The following C10orf90 variants were observed in gnomAD, a reference collection of about 807,000 sequenced individuals.
C10orf90 encodes chromosome 10 open reading frame 90, also known as (E2-independent) E3 ubiquitin-conjugating enzyme FATS.
C10orf90 carries 56 observed loss-of-function variants against 62.5 expected under a neutral mutation model. The observed-to-expected ratio is 0.90, with a 90% CI of 0.72 to 1.12. The LOEUF (loss-of-function observed/expected upper bound fraction) is 1.12. C10orf90 is among the 50% of genes most tolerant of loss of function. The probability of loss-of-function intolerance (pLI) is 0.00; values close to 1 mark genes in which losing one functional copy is unlikely to be tolerated. For synonymous variants in C10orf90, 386 were observed against 340.4 expected, an observed-to-expected ratio of 1.13 and a Z score of -1.47; for missense variants, 970 against 880.4, an observed-to-expected ratio of 1.10 and a Z score of -1.29.
chr10:126,664,081 G>C (rs1204999468), intron 1 of C10orf90, among the ~76,000 whole-genome samples: 1 of 152,172 alleles, frequency 6.6e-6, no homozygotes, highest in Non-Finnish European at 1.5e-5. Flanking sequence ...CTGGCCCCAG[G>C]AGTAGGCGTG....
chr10:126,508,316 T>A (rs1329771038), intron 3 of C10orf90, among the ~76,000 whole-genome samples: 2 of 144,372 alleles, frequency 1.4e-5, no homozygotes, highest in Non-Finnish European at 3.0e-5. Context: ...TTTCACCAGC[T>A]CCCAGGTGAT....
intron 4 of C10orf90, among the ~76,000 whole-genome samples, chr10:126,500,143 C>A (rs1162159582): frequency 6.6e-6 from 1 of 152,172 alleles, no homozygotes; most frequent in African/African-American, 2.4e-5. Flanking sequence ...AGTTCACTCT[C>A]CTAATAGTCT....
chr10:126,471,157 A>G (rs1165109992), intron 4 of C10orf90, among the ~76,000 whole-genome samples: 1 of 152,226 alleles, frequency 6.6e-6, no homozygotes, highest in Admixed American at 6.5e-5. Flanking sequence ...GATGATCCAC[A>G]GCAAAAGCAG....
chr10:126,646,870 G>A (rs544810087), intron 1 of C10orf90, among the ~76,000 whole-genome samples: 75 of 152,240 alleles, frequency 4.9e-4, no homozygotes, highest in African/African-American at 1.8e-3. Flanking sequence ...AAAGAGGGAG[G>A]GAGGAAAGGA....
chr10:126,539,515 T>C (rs2133965229), intron 2 of C10orf90, among the ~76,000 whole-genome samples: 1 of 152,328 alleles, frequency 6.6e-6, no homozygotes, highest in East Asian at 1.9e-4. Flanking sequence ...AATAAATGCA[T>C]TTTAGTGATT....
chr10:126,607,431 G>A (rs1564890286), intron 2 of C10orf90, among the ~76,000 whole-genome samples: 1 of 152,166 alleles, frequency 6.6e-6, no homozygotes, highest in African/African-American at 2.4e-5. Flanking sequence ...GGTTTCTCAG[G>A]CATGAGTATT....
At chr10:126,568,019 C>T (rs1383631319) in intron 2 of C10orf90, among the ~76,000 whole-genome samples, 1 of 152,040 alleles carries the variant, frequency 6.6e-6, no homozygotes. Flanking sequence ...GGAATAGAAG[C>T]AAAGTGGAAG....
intron 3 of C10orf90, among the ~76,000 whole-genome samples, chr10:126,511,275 G>A (rs1186145034): frequency 6.6e-6 from 1 of 152,142 alleles, no homozygotes; most frequent in African/African-American, 2.4e-5. Flanking sequence ...GCCTTTCCGT[G>A]CAGTTACTGA....
intron 2 of C10orf90, among the ~76,000 whole-genome samples, chr10:126,542,432 G>A (rs1864396842): frequency 6.6e-6 from 1 of 152,134 alleles, no homozygotes; most frequent in Admixed American, 6.5e-5. Flanking sequence ...GAACTCGGGA[G>A]GTGGAAGTTG....
At chr10:126,429,452 G>T (rs80343891) in intron 8 of C10orf90, among the ~76,000 whole-genome samples, 305 of 152,214 alleles carry the variant, frequency 2.0e-3, no homozygotes, top group African/African-American at 7.2e-3. Context: ...ACCTTCAAAG[G>T]TGCAGTGACA....
intron 4 of C10orf90, 32 bp downstream of exon 4, chr10:126,503,925 G>A: frequency 6.3e-7 from 1 of 1,577,856 alleles, no homozygotes; most frequent in Non-Finnish European, 8.6e-7. Context: ...ATTTACTCAG[G>A]TCACCCTCCT....
At chr10:126,470,918 A>G (rs1193186596) in intron 4 of C10orf90, among the ~76,000 whole-genome samples, 1 of 152,126 alleles carries the variant, frequency 6.6e-6, no homozygotes, top group African/African-American at 2.4e-5. Context: ...TTAAAACTCT[A>G]TTTCCTCACG....
chr10:126,556,466 A>G (rs1243832619), intron 2 of C10orf90, among the ~76,000 whole-genome samples: 1 of 152,188 alleles, frequency 6.6e-6, no homozygotes, highest in Non-Finnish European at 1.5e-5. Context: ...TATTACCAAC[A>G]GAAATTTTCC....
rs1367079070 is a variant in C10orf90 at position 126,461,570 on chromosome 10, C to T, written c.1841G>A (p.Cys614Tyr). The T allele has an allele frequency of 6.2e-7, 1 of 1,613,858 alleles. No homozygotes were observed. Among genetic ancestry groups the T allele is most frequent in the Admixed American group, 1.7e-5 (1 of 59,958 alleles). ...SKFPKGDYTC[C>Y]DLVVKIKECK... The stretch of plus-strand genomic sequence containing the variant: ...TTCCTTTATTTTTACAACCAAGTCA[C>T]AGCATGTGTAATCTCCTAGGAGAGA... The change falls in exon 6 of 10, where the codon TGT (cysteine) becomes TAT (tyrosine). Residue 614 changes from cysteine to tyrosine, a missense_variant. Cys to Tyr is a radical substitution (Grantham distance 194). Coordinates refer to ENST00000488181, the MANE Select transcript of C10orf90 (RefSeq NM_001350921.2).
chr10:126,559,873 C>T (rs762378785), intron 2 of C10orf90, among the ~76,000 whole-genome samples: 3 of 152,184 alleles, frequency 2.0e-5, no homozygotes, highest in Non-Finnish European at 4.4e-5. Flanking sequence ...GCTCAAAATA[C>T]TTGCCGGAAA....
Position 126,461,526 on chromosome 10 carries a change from G to A in C10orf90, c.1885C>T (p.Pro629Ser). Residue 629 changes from proline to serine, a missense_variant, in exon 6 of 10, where the codon CCC (proline) becomes TCC (serine). Coordinates refer to ENST00000488181, the MANE Select transcript of C10orf90 (RefSeq NM_001350921.2). ...GCTGGGGAGGGCTCAGGTGTGGTGG[G>A]GTCCTCACTCTTCTTACATTCCTTT... ...KIKECKKSEDPTTPEPSPAAP... is the reference protein window; with the variant it reads ...KIKECKKSEDSTTPEPSPAAP... The A allele has an allele frequency of 1.2e-6, 2 of 1,613,912 alleles. No individual in the cohort carries two copies. The highest frequency in any genetic ancestry group is 1.7e-6 in the Non-Finnish European group (2 of 1,179,960).
intron 4 of C10orf90, among the ~76,000 whole-genome samples, chr10:126,478,490 T>A (rs146296942): frequency 0.017 from 2,545 of 152,368 alleles, 29 homozygotes; most frequent in Non-Finnish European, 0.025. Flanking sequence ...GTAAGTGACA[T>A]AGACTTTGTT....
At chr10:126,452,733 C>T (rs2134074215) in intron 7 of C10orf90, among the ~76,000 whole-genome samples, 1 of 152,234 alleles carries the variant, frequency 6.6e-6, no homozygotes, top group East Asian at 1.9e-4. Flanking sequence ...CTGTGAAGGA[C>T]AATAATAAAA....
At chr10:126,489,187 C>T (rs1861589862) in intron 4 of C10orf90, among the ~76,000 whole-genome samples, 1 of 151,770 alleles carries the variant, frequency 6.6e-6, no homozygotes, top group Admixed American at 6.6e-5. Flanking sequence ...TGGATCATGA[C>T]CAAATAGTTA....
Sources: allele counts gnomAD v4.1 joint callset (sites outside exome capture counted in the v4.1 genomes callset), GRCh38; gene constraint gnomAD v4.1.1; transcripts MANE v1.5; gene names NCBI Gene and HGNC (gene_info 2026-07-23, HGNC 2026-07-21).